Variants in PDE8A observed in about 807,000 individuals in gnomAD.
PDE8A encodes high affinity cAMP-specific and IBMX-insensitive 3',5'-cyclic phosphodiesterase 8A.
PDE8A carries 59 observed loss-of-function variants against 105.0 expected under a neutral mutation model. The observed-to-expected ratio is 0.56, with a 90% CI of 0.46 to 0.70. The LOEUF (loss-of-function observed/expected upper bound fraction) is 0.70, where lower values mean the gene tolerates loss of function less well. Ranked by LOEUF, PDE8A falls within the 30% of genes least tolerant of loss-of-function variation. PDE8A has a pLI of 0.00. For missense variants in PDE8A, 1,014 were observed against 1,045.9 expected (o/e 0.97, Z 0.42); for synonymous variants, 355 against 371.9 (o/e 0.95, Z 0.52).
chr15:85,126,240 A>T lies in PDE8A; in HGVS notation c.2119A>T (p.Met707Leu). 2 of 1,612,160 alleles carry T rather than the reference A, an allele frequency of 1.2e-6. No individual in the cohort carries two copies. Among genetic ancestry groups the T allele is most frequent in the Non-Finnish European group, 1.7e-6 (2 of 1,179,112 alleles). ...TDKNQEVINT[M>L]LRTPENRTLI... is the part of the protein sequence containing the mutation. ...TAAAAACCAGGAAGTGATAAACACT[A>T]TGCTTAGGACTCCAGAGAACCGGAC... The change falls in exon 20 of 22, where the codon ATG becomes TTG. Residue 707 changes from methionine to leucine, a missense_variant. Physicochemically the swap from Met to Leu is conservative, Grantham distance 15. Coordinates refer to ENST00000394553, the MANE Select transcript of PDE8A (RefSeq NM_002605.3).
intron 1 of PDE8A, among the ~76,000 whole-genome samples, chr15:85,056,304 G>A (rs1000044562): frequency 3.3e-5 from 5 of 151,620 alleles, no homozygotes; most frequent in Non-Finnish European, 5.9e-5. Context: ...TGCTCTTCTC[G>A]AGGAGTATCT....
intron 1 of PDE8A, among the ~76,000 whole-genome samples, chr15:85,002,438 G>A (rs963320163): frequency 6.6e-6 from 1 of 152,224 alleles, no homozygotes; most frequent in Non-Finnish European, 1.5e-5. Context: ...GAGCTTCAGT[G>A]CCTGTAGAGT....
chr15:85,105,813 T>G (rs540343954), intron 11 of PDE8A, among the ~76,000 whole-genome samples: 1 of 152,264 alleles, frequency 6.6e-6, no homozygotes, highest in African/African-American at 2.4e-5. Flanking sequence ...CCAGTAAGCA[T>G]GAGGCCCTGG....
chr15:85,085,726 G>C (rs891472313), intron 6 of PDE8A, among the ~76,000 whole-genome samples: 1 of 149,624 alleles, frequency 6.7e-6, no homozygotes, highest in Non-Finnish European at 1.5e-5. Flanking sequence ...GTAGATGATC[G>C]GCTGGGCAGG....
At chr15:85,114,289 A>C (rs2082062757) in intron 14 of PDE8A, among the ~76,000 whole-genome samples, 1 of 152,214 alleles carries the variant, frequency 6.6e-6, no homozygotes, top group Admixed American at 6.5e-5. Flanking sequence ...GCTGAGCACC[A>C]GTTCTCCAGT....
At chr15:85,058,994 T>A (rs946614092) in intron 1 of PDE8A, among the ~76,000 whole-genome samples, 6 of 152,176 alleles carry the variant, frequency 3.9e-5, no homozygotes, top group Admixed American at 3.9e-4. Flanking sequence ...TGATTTGAGA[T>A]CTTATTTTCT....
intron 1 of PDE8A, among the ~76,000 whole-genome samples, chr15:85,046,529 A>C (rs1309732529): frequency 6.6e-6 from 1 of 152,216 alleles, no homozygotes; most frequent in Non-Finnish European, 1.5e-5. Flanking sequence ...TTTGAATACC[A>C]TGTACTAGAC....
chr15:85,033,844 G>A (rs1037313071), intron 1 of PDE8A, among the ~76,000 whole-genome samples: 1 of 152,170 alleles, frequency 6.6e-6, no homozygotes, highest in Non-Finnish European at 1.5e-5. Flanking sequence ...CAGCCTGGGC[G>A]ATAGAGCAAG....
At chr15:85,023,279 C>T (rs1480859353) in intron 1 of PDE8A, among the ~76,000 whole-genome samples, 1 of 152,160 alleles carries the variant, frequency 6.6e-6, no homozygotes, top group African/African-American at 2.4e-5. Flanking sequence ...GATTTCTAGG[C>T]TTCTGGTGGT....
At chr15:85,026,043 A>G (rs2080510812) in intron 1 of PDE8A, among the ~76,000 whole-genome samples, 2 of 152,204 alleles carry the variant, frequency 1.3e-5, no homozygotes, top group Non-Finnish European at 2.9e-5. Flanking sequence ...CCAGGCTTCA[A>G]ATATGGAATT....
In PDE8A at chr15:85,117,707, C is replaced by T. The variant is rs770048623; in HGVS notation, c.1602C>T (p.Ser534=). ...RFGICEFLHC[S]ESTLRSWLQI... ...GAATCTGTGAATTCTTACACTGCTC[C>T]GAGTCAACGCTAAGATCATGGTTAC... The change falls in exon 17 of 22, where the codon TCC becomes TCT. Residue 534 remains serine (S), a synonymous_variant. Coordinates refer to ENST00000394553, the MANE Select transcript of PDE8A (RefSeq NM_002605.3). The T allele has an allele frequency of 1.6e-5, 26 of 1,613,796 alleles. 1 individual carries two copies. In the East Asian group the frequency reaches 1.8e-4, roughly 11 times the overall value.
At chr15:85,012,490 T>C (rs57749317) in intron 1 of PDE8A, among the ~76,000 whole-genome samples, 13,203 of 143,688 alleles carry the variant, frequency 0.092, 972 homozygotes, top group East Asian at 0.28. Flanking sequence ...TAGGTGGGAA[T>C]TGAACAATGA....
rs8033951 is a variant in PDE8A, at chr15:85,000,402, A to G, written c.186+18054A>G. ...GTGCCAAAAGCTGTGTTTGTCTTGC[A>G]AGGCCAAGAATGTTTCTGCAGTGTA... On this transcript the variant is annotated intron_variant, in intron 1 of 21. Transcript: ENST00000394553. Among the ~76,000 whole-genome samples, 728 of 152,338 alleles carry G rather than the reference A, an allele frequency of 4.8e-3. 7 individuals carry two copies. The highest frequency in any genetic ancestry group is 0.017 in the African/African-American group (688 of 41,590).
intron 1 of PDE8A, among the ~76,000 whole-genome samples, chr15:85,038,428 T>C (rs2080745854): frequency 6.6e-6 from 1 of 152,220 alleles, no homozygotes; most frequent in African/African-American, 2.4e-5. Context: ...TTTTCCTTTA[T>C]GATTAGTGCT....
intron 3 of PDE8A, among the ~76,000 whole-genome samples, chr15:85,072,279 T>C (rs1330787164): frequency 6.6e-6 from 1 of 152,210 alleles, no homozygotes; most frequent in Non-Finnish European, 1.5e-5. Flanking sequence ...GCTATGTTCT[T>C]ATAGTGAGCC....
chr15:85,071,055 C>G (rs557218479), intron 3 of PDE8A, among the ~76,000 whole-genome samples: 2 of 152,130 alleles, frequency 1.3e-5, no homozygotes, highest in African/African-American at 4.8e-5. Context: ...AAATAAAAAC[C>G]CACAAAGATA....
intron 1 of PDE8A, among the ~76,000 whole-genome samples, chr15:85,008,105 A>C (rs966489393): frequency 2.0e-5 from 3 of 151,988 alleles, no homozygotes; most frequent in Non-Finnish European, 4.4e-5. Context: ...GCTGTGTGTT[A>C]TGAGCCTCAG....
At chr15:85,128,305 G>T (rs2082286001) in intron 20 of PDE8A, among the ~76,000 whole-genome samples, 1 of 152,016 alleles carries the variant, frequency 6.6e-6, no homozygotes, top group African/African-American at 2.4e-5. Flanking sequence ...AGGAGTTCAA[G>T]ACCAGCCTCA....
intron 12 of PDE8A, among the ~76,000 whole-genome samples, chr15:85,112,016 T>C (rs1450994150): frequency 1.3e-5 from 2 of 152,148 alleles, no homozygotes; most frequent in African/African-American, 2.4e-5. Flanking sequence ...TTTTTGTATA[T>C]TGACTTTGTA....
Sources: allele counts gnomAD v4.1 joint callset (sites outside exome capture counted in the v4.1 genomes callset), GRCh38; gene constraint gnomAD v4.1.1; transcripts MANE v1.5; gene names NCBI Gene and HGNC (gene_info 2026-07-23, HGNC 2026-07-21).